Variants in IL20RA observed in about 807,000 individuals in gnomAD.
The protein encoded by IL20RA is interleukin 20 receptor subunit alpha.
In IL20RA, 29 loss-of-function variants were observed where a neutral mutation model predicts 36.5. The observed-to-expected ratio is 0.79, with a 90% confidence interval of 0.59 to 1.08. IL20RA has a LOEUF of 1.08. IL20RA is among the 50% of genes least tolerant of loss of function. The pLI, the probability that IL20RA is intolerant of heterozygous loss-of-function variation, is 0.00. For missense variants in IL20RA, 652 were observed against 668.4 expected (o/e 0.98, Z 0.27); for synonymous variants, 279 against 267.1 (o/e 1.04, Z -0.43).
chr6:137,038,969 T>C (rs1219786496), intron 1 of IL20RA, among the ~76,000 whole-genome samples: 1 of 152,242 alleles, frequency 6.6e-6, no homozygotes, highest in African/African-American at 2.4e-5. Flanking sequence ...AAGTTTTATG[T>C]TGAAATGTTT....
chr6:137,039,485 G>A (rs1776605022), intron 1 of IL20RA, among the ~76,000 whole-genome samples: 2 of 152,160 alleles, frequency 1.3e-5, no homozygotes, highest in South Asian at 4.1e-4. Flanking sequence ...ACTTGAGCGA[G>A]CAAATCCTCC....
chr6:137,015,895 G>A (rs979713665), intron 2 of IL20RA, among the ~76,000 whole-genome samples: 27 of 152,126 alleles, frequency 1.8e-4, no homozygotes, highest in African/African-American at 6.0e-4. Flanking sequence ...GAGCTCATGC[G>A]ATCCAGAAGT....
In IL20RA at chr6:137,044,515, C is replaced by G. The variant is rs1209490782; in HGVS notation, c.88+126G>C. 5 of 1,031,066 alleles carry G rather than the reference C, an allele frequency of 4.8e-6. No homozygotes were observed. The African/African-American group carries it at 8.4e-5, about 17-fold the overall frequency. 63.9% of individuals were successfully genotyped at this position (1,031,066 alleles called of 1,614,324 possible). A position where few individuals can be genotyped will look rare whatever the true frequency, so the allele number is the denominator to read the frequency against. On this transcript the variant is annotated intron_variant, in intron 1 of 6. Coordinates refer to ENST00000316649, the MANE Select transcript of IL20RA (RefSeq NM_014432.4). ...AGCTCCGGCCTCCGCGCACCTCGTC[C>G]TCTGCCCGCCCGAAAGCGAAACCTG...
intron 1 of IL20RA, among the ~76,000 whole-genome samples, chr6:137,021,148 C>T (rs1775888592): frequency 6.6e-6 from 1 of 151,550 alleles, no homozygotes. Context: ...ATTTTATTTT[C>T]AGAAATGGAT....
intron 1 of IL20RA, among the ~76,000 whole-genome samples, chr6:137,028,160 A>G (rs916062187): frequency 1.1e-4 from 16 of 152,266 alleles, no homozygotes; most frequent in Admixed American, 5.2e-4. Context: ...GCTCACGCCT[A>G]TAATCCTAGC....
rs187279457 is a variant in IL20RA at position 137,009,076 on chromosome 6, T to A, written c.579+241A>T. Reference sequence around the variant, plus strand: ...GTGAAAGCTCTTCATCAAAGTGAAGTGTACAATCTCTCTACACTCCAATAA... The same window carrying A: ...GTGAAAGCTCTTCATCAAAGTGAAGAGTACAATCTCTCTACACTCCAATAA... On this transcript the variant is annotated intron_variant, in intron 4 of 6. Coordinates refer to ENST00000316649, the MANE Select transcript of IL20RA (RefSeq NM_014432.4). 1.2e-3 allele frequency: 725 copies of A among 585,030 alleles called. 1 individual carries two copies. The highest frequency in any genetic ancestry group is 1.8e-3 in the Non-Finnish European group (588 of 329,464). The allele number at this position is 585,030 out of a possible 1,614,324, so 36.2% of individuals were successfully genotyped here.
chr6:137,009,345 G>A lies in IL20RA; in HGVS notation c.551C>T (p.Ser184Phe). Residue 184 changes from serine to phenylalanine, a missense_variant, in exon 4 of 7, where the codon TCT (serine) becomes TTT (phenylalanine). Physicochemically the swap from Ser to Phe is radical, Grantham distance 155. Coordinates refer to ENST00000316649, the MANE Select transcript of IL20RA (RefSeq NM_014432.4). ...TCTGTTTGATTTAGTATTCAACACA[G>A]ACACGTTATACTTCAGATTGGAGTA... ...QIYSNLKYNVSVLNTKSNRTW... is the reference protein window; with the variant it reads ...QIYSNLKYNVFVLNTKSNRTW... 15 of 1,613,644 alleles carry A rather than the reference G, an allele frequency of 9.3e-6. No homozygotes were observed. The highest frequency in any genetic ancestry group is 1.3e-5 in the Non-Finnish European group (15 of 1,179,640).
At chr6:137,041,565 G>A (rs943473366) in intron 1 of IL20RA, among the ~76,000 whole-genome samples, 2 of 152,132 alleles carry the variant, frequency 1.3e-5, no homozygotes, top group East Asian at 1.9e-4. Context: ...ATGTGTGTGT[G>A]TGAGTGAAGT....
intron 4 of IL20RA, 91 bp from the exon 5 acceptor site, chr6:137,008,834 G>C: frequency 1.4e-6 from 1 of 715,084 alleles, no homozygotes; most frequent in South Asian, 3.3e-5. Flanking sequence ...GAAGACCAAG[G>C]CACCATTTAA....
At chr6:137,044,564 T>A (rs1776829532) in intron 1 of IL20RA, 77 bp downstream of exon 1, 2 of 1,200,442 alleles carry the variant, frequency 1.7e-6, no homozygotes, top group Admixed American at 8.7e-5. Context: ...AGGGGAGAGC[T>A]CGGCCTCGAG....
At chr6:137,022,444 C>T (rs910535873) in intron 1 of IL20RA, among the ~76,000 whole-genome samples, 2 of 152,154 alleles carry the variant, frequency 1.3e-5, no homozygotes, top group South Asian at 2.1e-4. Flanking sequence ...GATATGGACA[C>T]ATATATTTCA....
At chr6:137,022,180 G>C (rs1186441658) in intron 1 of IL20RA, among the ~76,000 whole-genome samples, 1 of 152,174 alleles carries the variant, frequency 6.6e-6, no homozygotes, top group Non-Finnish European at 1.5e-5. Context: ...ATACTAATCT[G>C]TTCAGCAAAT....
intron 1 of IL20RA, among the ~76,000 whole-genome samples, chr6:137,043,448 G>A (rs1211709426): frequency 6.6e-6 from 1 of 152,120 alleles, no homozygotes. Flanking sequence ...CTGTCTGTTA[G>A]TTGAAGGCTC....
At chr6:137,029,487 A>G (rs1300250216) in intron 1 of IL20RA, among the ~76,000 whole-genome samples, 27 of 152,144 alleles carry the variant, frequency 1.8e-4, no homozygotes, top group Admixed American at 1.8e-3. Flanking sequence ...TGCCTGGGCA[A>G]CAGAGTGAGA....
chr6:137,044,565 C>A, intron 1 of IL20RA, 76 bp downstream of exon 1: 9 of 1,201,332 alleles, frequency 7.5e-6, no homozygotes, highest in Non-Finnish European at 9.3e-6. Context: ...GGGGAGAGCT[C>A]GGCCTCGAGC....
chr6:137,013,056 C>G (rs1003243346), intron 2 of IL20RA, among the ~76,000 whole-genome samples: 1 of 152,060 alleles, frequency 6.6e-6, no homozygotes, highest in African/African-American at 2.4e-5. Flanking sequence ...AACTATCTAA[C>G]ATATTAAAAC....
chr6:137,012,212 T>G (rs1356986379), intron 2 of IL20RA, among the ~76,000 whole-genome samples: 1 of 152,060 alleles, frequency 6.6e-6, no homozygotes, highest in African/African-American at 2.4e-5. Flanking sequence ...GACACTACAG[T>G]GGTCCAGGGG....
chr6:137,033,964 G>T (rs1207180143), intron 1 of IL20RA, among the ~76,000 whole-genome samples: 1 of 152,176 alleles, frequency 6.6e-6, no homozygotes, highest in Non-Finnish European at 1.5e-5. Context: ...TTCCTTTGAT[G>T]TTGTTCATGA....
At chr6:137,037,307 G>C (rs1776523725) in intron 1 of IL20RA, among the ~76,000 whole-genome samples, 1 of 152,138 alleles carries the variant, frequency 6.6e-6, no homozygotes, top group Admixed American at 6.6e-5. Context: ...TCAAAAAACA[G>C]ACCCAATTTC....
Sources: gnomAD v4.1 joint callset for allele counts (sites outside exome capture counted in the v4.1 genomes callset) on GRCh38, gnomAD v4.1.1 for gene constraint, MANE v1.5 for transcripts, NCBI Gene and HGNC (gene_info 2026-07-23, HGNC 2026-07-21) for gene names.